Variants in MET observed in about 807,000 individuals in gnomAD.
MET encodes hepatocyte growth factor receptor.
In MET, 48 loss-of-function variants were observed where a neutral mutation model predicts 133.1. The observed-to-expected ratio is 0.36, with a 90% CI of 0.29 to 0.46. The LOEUF (loss-of-function observed/expected upper bound fraction) is 0.46, where lower values mean the gene tolerates loss of function less well. MET is among the 20% of genes least tolerant of loss of function. MET has a pLI of 1.00. For missense variants in MET, 1,442 were observed against 1,695.9 expected (o/e 0.85, Z 2.63); for synonymous variants, 628 against 616.5 (o/e 1.02, Z -0.28).
intron 19 of MET, among the ~76,000 whole-genome samples, chr7:116,785,254 A>T (rs1003879784): frequency 6.6e-6 from 1 of 152,166 alleles, no homozygotes; most frequent in Non-Finnish European, 1.5e-5. Flanking sequence ...CTGTCAGTGG[A>T]TCTACCTTTC....
At chr7:116,707,025 G>A (rs1243841297) in intron 2 of MET, among the ~76,000 whole-genome samples, 1 of 151,572 alleles carries the variant, frequency 6.6e-6, no homozygotes, top group Non-Finnish European at 1.5e-5. Context: ...ATTACTTGCT[G>A]AGCCATGTTG....
chr7:116,757,991 A>G (rs1334589198), intron 8 of MET, among the ~76,000 whole-genome samples: 1 of 151,902 alleles, frequency 6.6e-6, no homozygotes, highest in East Asian at 1.9e-4. Context: ...CCTACTTTTC[A>G]GTTTTGTCTT....
intron 2 of MET, among the ~76,000 whole-genome samples, chr7:116,710,680 C>G (rs1038446960): frequency 1.3e-5 from 2 of 151,770 alleles, no homozygotes; most frequent in African/African-American, 2.4e-5. Context: ...TTCACCACAC[C>G]TAACAAAAGA....
At chr7:116,722,554 T>C (rs1424426229) in intron 2 of MET, among the ~76,000 whole-genome samples, 69 of 152,034 alleles carry the variant, frequency 4.5e-4, no homozygotes, top group Non-Finnish European at 9.3e-4. Context: ...TGCTCGTTAG[T>C]TGATGCAGTT....
At chr7:116,754,929 AAGAAAGAAAGAAAGAAAG>A (rs1794084414) in intron 5 of MET, among the ~76,000 whole-genome samples, 1 of 147,826 alleles carries the variant, frequency 6.8e-6, no homozygotes, top group Admixed American at 6.8e-5. Flanking sequence ...GAAAGAAAGA[AAGAAAGAAAGAAAGAAAG>A]AAAGAGAAAG....
At chr7:116,757,905 T>A in intron 8 of MET, 131 bp downstream of exon 8, 1 of 1,017,494 alleles carries the variant, frequency 9.8e-7, no homozygotes, top group Non-Finnish European at 1.5e-6. Context: ...ACTCTCCTAC[T>A]GACAAAACTT....
chr7:116,741,997 A>G (rs1793475746), intron 5 of MET, among the ~76,000 whole-genome samples: 1 of 152,230 alleles, frequency 6.6e-6, no homozygotes, highest in Non-Finnish European at 1.5e-5. Context: ...TTCTTAGTCC[A>G]AAACATCTTG....
intron 17 of MET, among the ~76,000 whole-genome samples, chr7:116,781,335 A>G (rs959775515): frequency 3.3e-5 from 5 of 152,124 alleles, no homozygotes; most frequent in Non-Finnish European, 7.4e-5. Context: ...ATAGCAAACT[A>G]TCTTTTCAAT....
At chr7:116,750,834 T>C (rs986303962) in intron 5 of MET, among the ~76,000 whole-genome samples, 4 of 152,198 alleles carry the variant, frequency 2.6e-5, no homozygotes, top group Non-Finnish European at 4.4e-5. Context: ...TCATCATCAC[T>C]GGTTATTAGA....
At chr7:116,753,603 G>GA (rs1196187276) in intron 5 of MET, among the ~76,000 whole-genome samples, 1 of 152,022 alleles carries the variant, frequency 6.6e-6, no homozygotes, top group Admixed American at 6.6e-5. Context: ...CCATCAGGGG[G>GA]AAAAATTTAA....
rs150588908 is a variant in MET, at chr7:116,699,474, C to T, written c.390C>T (p.Leu130=). 1.3e-3 allele frequency: 2,089 copies of T among 1,613,976 alleles called. 29 individuals carry two copies. In the African/African-American group the frequency reaches 0.024, roughly 19 times the overall value. ...LVVDTYYDDQ[L]ISCGSVNRGT... is the part of the protein sequence containing the mutation. Reference sequence around the variant, plus strand: ...TCGACACCTACTATGATGATCAACTCATTAGCTGTGGCAGCGTCAACAGAG... The same window carrying T: ...TCGACACCTACTATGATGATCAACTTATTAGCTGTGGCAGCGTCAACAGAG... The change falls in exon 2 of 21, where the codon CTC becomes CTT. Residue 130 remains leucine (L), a synonymous_variant. Transcript: ENST00000397752.
intron 5 of MET, among the ~76,000 whole-genome samples, chr7:116,745,931 G>T (rs1160214491): frequency 6.6e-6 from 1 of 152,100 alleles, no homozygotes; most frequent in Non-Finnish European, 1.5e-5. Flanking sequence ...TTGACAAATG[G>T]GATCTAATTA....
At chr7:116,757,363 C>A in intron 6 of MET, 74 bp from the exon 7 acceptor site, 1 of 1,221,394 alleles carries the variant, frequency 8.2e-7, no homozygotes, top group Non-Finnish European at 1.2e-6. Flanking sequence ...GAGTTAATGT[C>A]ACTTCCTATA....
At chr7:116,754,901 A>T (rs201323678) in intron 5 of MET, among the ~76,000 whole-genome samples, 1 of 59,704 alleles carries the variant, frequency 1.7e-5, no homozygotes, top group Admixed American at 2.3e-4. Context: ...GAGAGAAAGA[A>T]AGAAAGAAAG....
intron 15 of MET, among the ~76,000 whole-genome samples, chr7:116,776,017 G>A (rs1367610633): frequency 6.6e-6 from 1 of 150,698 alleles, no homozygotes; most frequent in African/African-American, 2.4e-5. Context: ...GAAATATTTA[G>A]CAGGAAAAGA....
intron 10 of MET, 145 bp downstream of exon 10, chr7:116,759,635 A>G (rs1423610031): frequency 1.1e-6 from 1 of 916,042 alleles, no homozygotes; most frequent in Non-Finnish European, 1.7e-6. Flanking sequence ...AGTATTTTTT[A>G]TTTAATAACT....
Position 116,743,756 on chromosome 7 carries a change from A to G in MET, c.1701+2731A>G, listed in dbSNP as rs532798220. 3.9e-5 allele frequency among the ~76,000 whole-genome samples: 6 copies of G among 152,336 alleles called. No individual in the cohort carries two copies. In the South Asian group the frequency reaches 1.0e-3, roughly 26 times the overall value. On this transcript the variant is annotated intron_variant, in intron 5 of 20. Transcript: ENST00000397752. ...TCCTGACTGGGAGACACCTCCCAGC[A>G]GGGGTCGACAGACACCTCACACAGG... is the stretch of plus-strand genomic sequence containing the variant.
chr7:116,763,024 C>T (rs770244862), intron 10 of MET, 26 bp from the exon 11 acceptor site: 14 of 1,579,280 alleles, frequency 8.9e-6, no homozygotes, highest in Middle Eastern at 1.7e-4. Context: ...ATTCTGTTTA[C>T]AGTGGATAAT....
rs372699296 is a variant in MET at position 116,763,191 on chromosome 7, G to A, written c.2506G>A (p.Val836Ile). 3 of 1,613,962 alleles carry A rather than the reference G, an allele frequency of 1.9e-6. No homozygotes were observed. Among genetic ancestry groups the A allele is most frequent in the East Asian group, 4.5e-5 (2 of 44,854 alleles). ...TTCCAAATACTTTGATCTCATTTAT[G>A]TACATAATCCTGTGTTTAAGCCTTT... Reference protein sequence around the residue: ...ILSKYFDLIYVHNPVFKPFEK... With the variant: ...ILSKYFDLIYIHNPVFKPFEK... The change falls in exon 11 of 21, where the codon GTA becomes ATA. Residue 836 changes from valine to isoleucine, a missense_variant. Val to Ile is a conservative substitution (Grantham distance 29, BLOSUM62 3). Coordinates refer to ENST00000397752, the MANE Select transcript of MET (RefSeq NM_000245.4).
Sources: gnomAD v4.1 joint callset for allele counts (sites outside exome capture counted in the v4.1 genomes callset) on GRCh38, gnomAD v4.1.1 for gene constraint, MANE v1.5 for transcripts, NCBI Gene and HGNC (gene_info 2026-07-23, HGNC 2026-07-21) for gene names.